Variants in SLC25A25 observed in about 807,000 individuals in gnomAD.
The protein encoded by SLC25A25 is mitochondrial adenyl nucleotide antiporter SLC25A25.
SLC25A25 carries 32 observed loss-of-function variants against 57.7 expected under a neutral mutation model. That is an observed-to-expected ratio of 0.55 (90% confidence interval 0.42 to 0.74). The LOEUF is 0.74. Among genes scored for constraint, SLC25A25 ranks in the 30% least tolerant of loss-of-function variants. SLC25A25 has a pLI of 0.00. For synonymous variants in SLC25A25, 306 were observed against 291.2 expected (o/e 1.05, Z -0.52); for missense variants, 556 against 701.3 (o/e 0.79, Z 2.34).
chr9:128,106,598 G>A (rs985101175), intron 9 of SLC25A25, 78 bp downstream of exon 9: 12 of 1,484,000 alleles, frequency 8.1e-6, no homozygotes, highest in African/African-American at 2.8e-5. Flanking sequence ...TGACGGACGC[G>A]TGGTTAGTGC....
At chr9:128,086,406 G>A (rs925769439) in intron 1 of SLC25A25, among the ~76,000 whole-genome samples, 2 of 145,642 alleles carry the variant, frequency 1.4e-5, no homozygotes, top group Non-Finnish European at 3.0e-5. Context: ...CGATCTCAGC[G>A]CACCGCAACC....
At position 128,108,043 on chromosome 9, in the gene SLC25A25, C is replaced by T. The variant is rs767020937; in HGVS notation, c.*599C>T. On this transcript the variant is annotated 3_prime_UTR_variant, in exon 11 of 11. Coordinates refer to ENST00000373069, the MANE Select transcript of SLC25A25 (RefSeq NM_001330988.2). Reference sequence around the variant, plus strand: ...AAGGATCTGGCCTTGTGGTCACTGGCATCTGAGCCCTGCTGATGGCTGGGG... The same window carrying T: ...AAGGATCTGGCCTTGTGGTCACTGGTATCTGAGCCCTGCTGATGGCTGGGG... 1 of 398,982 alleles carries T rather than the reference C, an allele frequency of 2.5e-6. No individual in the cohort carries two copies. The highest frequency in any genetic ancestry group is 3.6e-5 in the East Asian group (1 of 28,090). The allele number at this position is 398,982 out of a possible 1,614,324, so 24.7% of individuals were successfully genotyped here.
chr9:128,106,587 T>C (rs1834049373), intron 9 of SLC25A25, 67 bp downstream of exon 9: 1 of 1,503,966 alleles, frequency 6.6e-7, no homozygotes. Context: ...GTCTCCCTCC[T>C]TGACGGACGC....
rs10481696 is a variant in SLC25A25, at chr9:128,098,207, T to C, written c.262-2889T>C. On this transcript the variant is annotated intron_variant, in intron 1 of 10. Coordinates refer to ENST00000373069, the MANE Select transcript of SLC25A25 (RefSeq NM_001330988.2). ...TTGTTCATCTGAAGGGGTTGGCAGC[T>C]AGAGGGTGAAGGTTTGTTTGGGCTC... is the stretch of plus-strand genomic sequence containing the variant. 6.3e-3 allele frequency: 1,176 copies of C among 186,142 alleles called. 16 individuals are homozygous for C. The highest frequency in any genetic ancestry group is 0.026 in the African/African-American group (1,124 of 42,674). 11.5% of individuals were successfully genotyped at this position (186,142 alleles called of 1,614,324 possible).
rs1564196171 is a variant in SLC25A25 at position 128,105,786 on chromosome 9, C to T, written c.841C>T (p.Arg281Ter). 3.7e-6 allele frequency: 6 copies of T among 1,614,064 alleles called. No individual in the cohort carries two copies. The East Asian group carries it at 8.9e-5, about 24-fold the overall frequency. The change falls in exon 7 of 11, where the codon CGA becomes TGA. Residue 281 changes from arginine to a stop codon, truncating the protein, a stop_gained. Transcript: ENST00000373069. LOFTEE classifies it high-confidence loss of function. ...GIVGGFTQMIREGGARSLWRG... is the reference protein window; with the variant it reads ...GIVGGFTQMI ...CGTTGGTGGCTTCACTCAGATGATTCGAGAAGGAGGGGCCAGGTCACTCTG... is the reference window on the plus strand; with the variant it reads ...CGTTGGTGGCTTCACTCAGATGATTTGAGAAGGAGGGGCCAGGTCACTCTG...
chr9:128,075,498 CAT>C (rs1295900354), intron 1 of SLC25A25, among the ~76,000 whole-genome samples: 21 of 143,236 alleles, frequency 1.5e-4, no homozygotes, highest in African/African-American at 6.0e-4. Flanking sequence ...GCCTGGGCAA[CAT>C]AGCGAGACCC....
In SLC25A25 at chr9:128,090,401, C is replaced by T. The variant is rs574835500; in HGVS notation, c.262-10695C>T. Among the ~76,000 whole-genome samples, 45 of 151,882 alleles carry T rather than the reference C, an allele frequency of 3.0e-4. 1 individual carries two copies. In the South Asian group the frequency reaches 8.5e-3, roughly 29 times the overall value. On this transcript the variant is annotated intron_variant, in intron 1 of 10. Transcript: ENST00000373069. Reference sequence around the variant, plus strand: ...CTAATTTTTCTATTTTTAGTAGAGACGGGGTTTCACCATGTTGGCCAGGCT... The same window carrying T: ...CTAATTTTTCTATTTTTAGTAGAGATGGGGTTTCACCATGTTGGCCAGGCT...
chr9:128,091,566 A>AAAG, intron 1 of SLC25A25: 3 of 1,042,782 alleles, frequency 2.9e-6, no homozygotes, highest in Non-Finnish European at 3.5e-6. Flanking sequence ...TTTTTTAAAA[A>AAAG]AAAGCCAAAC....
chr9:128,105,720 C>G lies in SLC25A25; in HGVS notation c.784-9C>G, dbSNP rs1460959921. The G allele has an allele frequency of 6.2e-7, 1 of 1,612,448 alleles. No homozygotes were observed. Among genetic ancestry groups the G allele is most frequent in the Admixed American group, 1.7e-5 (1 of 60,022 alleles). On this transcript the variant is annotated splice_polypyrimidine_tract_variant and intron_variant, in intron 6 of 10. Transcript: ENST00000373069. ...CGGGTCCGTCTGACTGTTCGGTCCT[C>G]CCTCCCAGGTCCATGCCTCCCGCAG...
intron 1 of SLC25A25, among the ~76,000 whole-genome samples, chr9:128,079,409 CAAAAAAA>C (rs375501116): frequency 1.3e-4 from 8 of 59,804 alleles, no homozygotes; most frequent in East Asian, 4.5e-4. Flanking sequence ...CTGCTGATGC[CAAAAAAA>C]AAAAAAAAAA....
intron 1 of SLC25A25, among the ~76,000 whole-genome samples, chr9:128,071,061 A>G (rs1391236147): frequency 2.0e-5 from 3 of 152,174 alleles, no homozygotes; most frequent in Non-Finnish European, 4.4e-5. Flanking sequence ...CATTGCTGCC[A>G]GGCACATTGA....
rs371659999 is a variant in SLC25A25, at chr9:128,106,531, A to G, written c.1212+11A>G. The G allele has an allele frequency of 1.4e-5, 22 of 1,582,362 alleles. No homozygotes were observed. The highest frequency in any genetic ancestry group is 2.2e-5 in the East Asian group (1 of 44,678). ...CTTGCAGTCTACGAGGTGAGGCCCA[A>G]GCTGGACAGATTTAGAAACCTCCTC... On this transcript the variant is annotated intron_variant, in intron 9 of 10. Coordinates refer to ENST00000373069, the MANE Select transcript of SLC25A25 (RefSeq NM_001330988.2).
At chr9:128,105,579 T>C (rs946272235) in intron 6 of SLC25A25, 150 bp from the exon 7 acceptor site, 18 of 1,166,174 alleles carry the variant, frequency 1.5e-5, no homozygotes, top group Non-Finnish European at 2.2e-5. Flanking sequence ...TTGGGTTACT[T>C]TGGGCTCATG....
chr9:128,080,305 G>A (rs1216172470), intron 1 of SLC25A25, among the ~76,000 whole-genome samples: 3 of 146,616 alleles, frequency 2.0e-5, no homozygotes, highest in Non-Finnish European at 3.0e-5. Context: ...AGCTGAGATC[G>A]TGCCACTGCA....
At chr9:128,076,386 C>T (rs1833011767) in intron 1 of SLC25A25, among the ~76,000 whole-genome samples, 1 of 152,166 alleles carries the variant, frequency 6.6e-6, no homozygotes, top group East Asian at 1.9e-4. Context: ...TCGCCTTGGC[C>T]TCCCAAAGTG....
In SLC25A25 at chr9:128,091,842, G is replaced by A. The variant is rs1329019815; in HGVS notation, c.262-9254G>A. The stretch of plus-strand genomic sequence containing the variant: ...TCACATCCCTCAAAAGTGAACAGTC[G>A]CCATCAGAGGCGTTTGGAGGAGACC... On this transcript the variant is annotated intron_variant, in intron 1 of 10. Transcript: ENST00000373069. The A allele has an allele frequency of 1.6e-5, 26 of 1,584,132 alleles. 1 individual carries two copies. In the South Asian group the frequency reaches 1.9e-4, roughly 12 times the overall value.
intron 1 of SLC25A25, chr9:128,098,675 A>G: frequency 6.2e-7 from 1 of 1,614,172 alleles, no homozygotes. Flanking sequence ...TTTCAAGCTC[A>G]GTGTCTTCAT....
chr9:128,100,236 G>A (rs1418459734), intron 1 of SLC25A25, among the ~76,000 whole-genome samples: 2 of 152,132 alleles, frequency 1.3e-5, no homozygotes, highest in African/African-American at 4.8e-5. Context: ...CATTTGGCAC[G>A]CCCTGCGGCC....
At chr9:128,075,135 T>TCAA (rs10637931) in intron 1 of SLC25A25, among the ~76,000 whole-genome samples, 35,769 of 151,268 alleles carry the variant, frequency 0.24, 5,405 homozygotes, top group African/African-American at 0.43. Context: ...AGATTCCATC[T>TCAA]CAACAACAAC....
Sources: gnomAD v4.1 joint callset for allele counts (sites outside exome capture counted in the v4.1 genomes callset) on GRCh38, gnomAD v4.1.1 for gene constraint, MANE v1.5 for transcripts, NCBI Gene and HGNC (gene_info 2026-07-23, HGNC 2026-07-21) for gene names.